Variants in ATP10B observed in about 807,000 individuals in gnomAD.
ATP10B encodes the protein ATPase phospholipid transporting 10B (putative).
In ATP10B, 122 loss-of-function variants were observed where a neutral mutation model predicts 141.2. The ratio of observed to expected loss-of-function variants is 0.86; its 90% CI spans 0.75 to 1.00. The LOEUF (loss-of-function observed/expected upper bound fraction) is 1.00. Ranked by LOEUF, ATP10B falls within the 50% of genes least tolerant of loss-of-function variation. The probability of loss-of-function intolerance (pLI) is 0.00; values close to 1 mark genes in which losing one functional copy is unlikely to be tolerated. For missense variants in ATP10B, 1,876 were observed against 1,825.3 expected (o/e 1.03, Z -0.51); for synonymous variants, 685 against 692.0 (o/e 0.99, Z 0.16).
intron 1 of ATP10B, among the ~76,000 whole-genome samples, chr5:160,809,677 G>C (rs1260915139): frequency 2.0e-5 from 3 of 151,972 alleles, no homozygotes; most frequent in Non-Finnish European, 4.4e-5. Flanking sequence ...CTCTCTTACT[G>C]TGCTTGTCTG....
intron 2 of ATP10B, among the ~76,000 whole-genome samples, chr5:160,767,646 C>CCCCCCT (rs1769575424): frequency 7.5e-6 from 1 of 132,632 alleles, no homozygotes; most frequent in Non-Finnish European, 1.6e-5. Context: ...CCCCCCCCCC[C>CCCCCCT]AAAATAACAG....
intron 1 of ATP10B, among the ~76,000 whole-genome samples, chr5:160,843,335 C>A (rs1407039177): frequency 2.0e-5 from 3 of 151,992 alleles, no homozygotes; most frequent in Non-Finnish European, 4.4e-5. Flanking sequence ...TTGTGGTCAG[C>A]CTTGAGTACT....
At chr5:160,637,341 T>TCATC (rs1315156924) in intron 10 of ATP10B, among the ~76,000 whole-genome samples, 3 of 149,958 alleles carry the variant, frequency 2.0e-5, no homozygotes, top group Non-Finnish European at 4.5e-5. Flanking sequence ...ATCCATCCAT[T>TCATC]CATCCATCCA....
At chr5:160,874,486 TC>T in the ATP10B span, among the ~76,000 whole-genome samples, 1 of 152,062 alleles carries the variant, frequency 6.6e-6, no homozygotes, top group Non-Finnish European at 1.5e-5. Flanking sequence ...CCTCTCCTCC[TC>T]CAAAGGAACA....
the ATP10B span, among the ~76,000 whole-genome samples, chr5:160,899,891 C>T: frequency 0.099 from 14,998 of 152,198 alleles, 842 homozygotes; most frequent in Non-Finnish European, 0.12. Context: ...AGACAGCTGC[C>T]GTCCAGCCCT....
chr5:160,733,600 T>TAC (rs1266700585), intron 2 of ATP10B, among the ~76,000 whole-genome samples: 1 of 151,704 alleles, frequency 6.6e-6, no homozygotes, highest in African/African-American at 2.4e-5. Context: ...ATATATACGT[T>TAC]ACATATATGT....
chr5:160,596,308 T>C (rs1022655285), intron 22 of ATP10B, among the ~76,000 whole-genome samples: 1 of 152,048 alleles, frequency 6.6e-6, no homozygotes, highest in Admixed American at 6.6e-5. Context: ...ATTATCCCAA[T>C]AGATGCAGAA....
intron 1 of ATP10B, among the ~76,000 whole-genome samples, chr5:160,833,271 G>A (rs1775213180): frequency 6.6e-6 from 1 of 152,192 alleles, no homozygotes; most frequent in Non-Finnish European, 1.5e-5. Context: ...GTAGAATACA[G>A]GGGAATCTTG....
At chr5:160,658,865 C>A (rs970690948) in intron 7 of ATP10B, among the ~76,000 whole-genome samples, 4 of 152,162 alleles carry the variant, frequency 2.6e-5, no homozygotes, top group African/African-American at 9.7e-5. Flanking sequence ...GTCCAACCCA[C>A]CCCATATTTT....
intron 1 of ATP10B, among the ~76,000 whole-genome samples, chr5:160,812,369 G>A (rs1302716351): frequency 6.6e-6 from 1 of 152,244 alleles, no homozygotes; most frequent in Non-Finnish European, 1.5e-5. Context: ...GAAGACTCAG[G>A]ACTATACTGG....
At chr5:160,827,903 T>A (rs894756858) in intron 1 of ATP10B, among the ~76,000 whole-genome samples, 13 of 152,296 alleles carry the variant, frequency 8.5e-5, no homozygotes, top group African/African-American at 2.4e-4. Context: ...TAGTTGCAGA[T>A]ATGTGGCGTT....
chr5:160,821,344 A>G (rs923346530), intron 1 of ATP10B, among the ~76,000 whole-genome samples: 1 of 152,110 alleles, frequency 6.6e-6, no homozygotes, highest in African/African-American at 2.4e-5. Context: ...ACTATAAAAC[A>G]GCTGATGTAA....
At chr5:160,640,180 T>C (rs1759730786) in intron 10 of ATP10B, among the ~76,000 whole-genome samples, 4 of 152,254 alleles carry the variant, frequency 2.6e-5, no homozygotes, top group Admixed American at 2.6e-4. Flanking sequence ...GGGAAACAAA[T>C]ACAGTCTGAT....
chr5:160,651,648 G>A (rs887348041), intron 7 of ATP10B, among the ~76,000 whole-genome samples: 3 of 152,084 alleles, frequency 2.0e-5, no homozygotes, highest in African/African-American at 7.2e-5. Context: ...AAAGCTTCAA[G>A]GTACAGCTGT....
intron 2 of ATP10B, among the ~76,000 whole-genome samples, chr5:160,729,931 A>T (rs1766619938): frequency 6.6e-6 from 1 of 152,056 alleles, no homozygotes; most frequent in Non-Finnish European, 1.5e-5. Context: ...TGAAGAAGGA[A>T]GGATATCTAT....
At chr5:160,720,539 C>T (rs1765927669) in intron 2 of ATP10B, among the ~76,000 whole-genome samples, 1 of 152,226 alleles carries the variant, frequency 6.6e-6, no homozygotes, top group African/African-American at 2.4e-5. Context: ...TGCCTGAAAG[C>T]TTCTTCAATC....
chr5:160,614,884 G>T (rs1490088707), intron 17 of ATP10B, among the ~76,000 whole-genome samples: 1 of 152,092 alleles, frequency 6.6e-6, no homozygotes, highest in African/African-American at 2.4e-5. Context: ...AATAAAGAAG[G>T]CTTTTTGCCA....
chr5:160,599,185 G>A (rs560029435), intron 21 of ATP10B, among the ~76,000 whole-genome samples: 1 of 152,272 alleles, frequency 6.6e-6, no homozygotes, highest in African/African-American at 2.4e-5. Flanking sequence ...GACCTGAAGG[G>A]AATTCCACTA....
chr5:160,652,951 T>TATTATATATACATGTATATATAATAC (rs1760971627), intron 7 of ATP10B, among the ~76,000 whole-genome samples: 1 of 92,468 alleles, frequency 1.1e-5, no homozygotes, highest in Non-Finnish European at 1.8e-5. Flanking sequence ...ATATATAATA[T>TATTATATATACATGTATATATAATAC]ATTATATATA....
Sources: allele counts gnomAD v4.1 joint callset (sites outside exome capture counted in the v4.1 genomes callset), GRCh38; gene constraint gnomAD v4.1.1; transcripts MANE v1.5; gene names NCBI Gene and HGNC (gene_info 2026-07-23, HGNC 2026-07-21).